Variants in STOM observed in about 807,000 individuals in gnomAD.
The protein encoded by STOM is erythrocyte band 7 integral membrane protein.
STOM carries 25 observed loss-of-function variants against 30.6 expected under a neutral mutation model. The ratio of observed to expected loss-of-function variants is 0.82; its 90% CI spans 0.60 to 1.14. STOM has a LOEUF of 1.14. Ranked by LOEUF, STOM falls within the 50% of genes most tolerant of loss-of-function variation. The probability of loss-of-function intolerance (pLI) is 0.00; values close to 1 mark genes in which losing one functional copy is unlikely to be tolerated. For synonymous variants in STOM, 118 were observed against 130.8 expected (o/e 0.90, Z 0.67); for missense variants, 292 against 365.2 (o/e 0.80, Z 1.63).
intron 5 of STOM, 21 bp downstream of exon 5, chr9:121,349,099 C>T (rs757112065): frequency 1.9e-6 from 3 of 1,610,048 alleles, no homozygotes; most frequent in Non-Finnish European, 2.5e-6. Flanking sequence ...TGGGGGGTAA[C>T]AGCATTGACG....
rs2064234809 is a variant in STOM at position 121,340,325 on chromosome 9, G to A, written c.*877C>T. 1.0e-6 allele frequency: 1 copy of A among 985,300 alleles called. No individual in the cohort carries two copies. Among genetic ancestry groups the A allele is most frequent in the African/African-American group, 1.7e-5 (1 of 57,308 alleles). The allele number at this position is 985,300 out of a possible 1,614,324, so 61.0% of individuals were successfully genotyped here. On this transcript the variant is annotated 3_prime_UTR_variant, in exon 7 of 7. Transcript: ENST00000286713. ...AGAGTAATCTTTTTCATTAGTCTTG[G>A]CTATTTCCTCTAGTTCTGACAAGTA...
At chr9:121,345,057 C>A (rs1165393369) in intron 6 of STOM, among the ~76,000 whole-genome samples, 1 of 152,162 alleles carries the variant, frequency 6.6e-6, no homozygotes, top group Non-Finnish European at 1.5e-5. Flanking sequence ...TGTGAATAAA[C>A]CAGACTTCAT....
intron 3 of STOM, 97 bp downstream of exon 3, chr9:121,354,504 A>T: frequency 1.0e-6 from 1 of 964,712 alleles, no homozygotes; most frequent in Non-Finnish European, 1.5e-6. Context: ...TGGGCGACGG[A>T]ATGAAACCCT....
At chr9:121,344,496 A>T (rs1385212138) in intron 6 of STOM, among the ~76,000 whole-genome samples, 1 of 152,244 alleles carries the variant, frequency 6.6e-6, no homozygotes, top group Non-Finnish European at 1.5e-5. Context: ...GCTGCCAAAG[A>T]TGTAAACAAC....
chr9:121,366,031 T>C, intron 1 of STOM: 1 of 785,590 alleles, frequency 1.3e-6, no homozygotes, highest in Non-Finnish European at 1.5e-6. Flanking sequence ...TTCATACAAA[T>C]CTCTTAAGTG....
chr9:121,360,288 T>A (rs982973281), intron 1 of STOM, among the ~76,000 whole-genome samples: 4 of 152,210 alleles, frequency 2.6e-5, no homozygotes, highest in African/African-American at 9.6e-5. Flanking sequence ...TAATCTTTTA[T>A]TTTTTATTTA....
chr9:121,348,703 T>C (rs186706333), intron 5 of STOM, among the ~76,000 whole-genome samples: 112 of 152,324 alleles, frequency 7.4e-4, no homozygotes, highest in African/African-American at 2.5e-3. Flanking sequence ...AATCCAGAGT[T>C]ATAGCACTTT....
chr9:121,343,229 C>A (rs1389088302), intron 6 of STOM, among the ~76,000 whole-genome samples: 1 of 152,154 alleles, frequency 6.6e-6, no homozygotes, highest in Non-Finnish European at 1.5e-5. Context: ...AGTACAATTT[C>A]TCCAGGTTAT....
At chr9:121,367,098 T>TGGGAG (rs1202440388) in intron 1 of STOM, among the ~76,000 whole-genome samples, 1 of 151,838 alleles carries the variant, frequency 6.6e-6, no homozygotes, top group Non-Finnish European at 1.5e-5. Context: ...AGTTTAATTA[T>TGGGAG]GGGAGGGGAG....
At chr9:121,357,264 T>G (rs924120188) in intron 1 of STOM, among the ~76,000 whole-genome samples, 1 of 151,954 alleles carries the variant, frequency 6.6e-6, no homozygotes, top group Non-Finnish European at 1.5e-5. Flanking sequence ...AATTGTTTCC[T>G]GTTCCTGTAA....
At chr9:121,353,358 T>A in intron 3 of STOM, 56 bp from the exon 4 acceptor site, 1 of 1,214,812 alleles carries the variant, frequency 8.2e-7, no homozygotes, top group Non-Finnish European at 1.2e-6. Context: ...AGTTCACTTC[T>A]CCATTCAGTT....
chr9:121,357,424 G>GATTATATATATATATATATAT, intron 1 of STOM, among the ~76,000 whole-genome samples: 1 of 95,430 alleles, frequency 1.0e-5, no homozygotes, highest in South Asian at 5.1e-4. Flanking sequence ...ATTTTTAAAT[G>GATTATATATATATATATATAT]ATATATATAT....
At chr9:121,351,111 T>C (rs1205989744) in intron 4 of STOM, among the ~76,000 whole-genome samples, 5 of 152,212 alleles carry the variant, frequency 3.3e-5, no homozygotes, top group African/African-American at 9.6e-5. Flanking sequence ...TGCTGCCAAG[T>C]TCCAATCTGC....
intron 6 of STOM, among the ~76,000 whole-genome samples, chr9:121,344,680 T>C (rs2064274459): frequency 1.3e-5 from 2 of 152,178 alleles, no homozygotes; most frequent in Admixed American, 6.5e-5. Flanking sequence ...TTCATGTATG[T>C]GAAATTGGTG....
intron 1 of STOM, among the ~76,000 whole-genome samples, chr9:121,363,362 C>T (rs1564632900): frequency 6.6e-6 from 1 of 152,136 alleles, no homozygotes. Flanking sequence ...TTTGAACTTT[C>T]TTCTTAAAAA....
chr9:121,365,033 G>A (rs556428466), intron 1 of STOM, among the ~76,000 whole-genome samples: 2 of 152,104 alleles, frequency 1.3e-5, no homozygotes, highest in Non-Finnish European at 2.9e-5. Flanking sequence ...TTAGTGTGAT[G>A]AGTAAATAAG....
At position 121,349,296 on chromosome 9, in the gene STOM, T is replaced by C. The variant is rs1411339198; in HGVS notation, c.349A>G (p.Ser117Gly). 1.2e-6 allele frequency: 2 copies of C among 1,614,066 alleles called. No individual in the cohort carries two copies. The highest frequency in any genetic ancestry group is 1.7e-6 in the Non-Finnish European group (2 of 1,180,020). Residue 117 changes from serine to glycine, a missense_variant, in exon 5 of 7, where the codon AGC becomes GGC. By Grantham distance (56) the Ser-to-Gly change is moderately conservative. Transcript: ENST00000286713. ...EILTKDSVTI[S>G]VDGVVYYRVQ... The stretch of plus-strand genomic sequence containing the variant: ...CGGTAATAGACCACACCATCCACGC[T>C]AATTGTCACTGAATCCTTTGTGAGG...
intron 1 of STOM, among the ~76,000 whole-genome samples, chr9:121,364,343 T>C (rs1184645479): frequency 6.6e-6 from 1 of 152,188 alleles, no homozygotes; most frequent in African/African-American, 2.4e-5. Flanking sequence ...GTTGTTCGAA[T>C]GCCCTTATCC....
chr9:121,364,077 A>C (rs2064480810), intron 1 of STOM, among the ~76,000 whole-genome samples: 2 of 152,146 alleles, frequency 1.3e-5, no homozygotes, highest in South Asian at 4.1e-4. Flanking sequence ...AATAAGAGAA[A>C]TAGAAGGAGT....
Sources: allele counts gnomAD v4.1 joint callset (sites outside exome capture counted in the v4.1 genomes callset), GRCh38; gene constraint gnomAD v4.1.1; transcripts MANE v1.5; gene names NCBI Gene and HGNC (gene_info 2026-07-23, HGNC 2026-07-21).